Variants in LIFR observed in about 807,000 individuals in gnomAD.
LIFR encodes the protein LIF receptor subunit alpha.
A neutral mutation model predicts 122.2 loss-of-function variants in LIFR; 84 were observed. That is an observed-to-expected ratio of 0.69 (90% CI 0.58 to 0.82). LIFR has a LOEUF of 0.82. LIFR is among the 40% of genes least tolerant of loss of function. The probability of loss-of-function intolerance (pLI) is 0.00; values close to 1 mark genes in which losing one functional copy is unlikely to be tolerated. For missense variants in LIFR, 1,294 were observed against 1,311.6 expected, an observed-to-expected ratio of 0.99 and a Z score of 0.21; for synonymous variants, 422 against 434.7, an observed-to-expected ratio of 0.97 and a Z score of 0.36.
chr5:38,525,274 T>C (rs1746619493), intron 4 of LIFR, among the ~76,000 whole-genome samples: 1 of 152,172 alleles, frequency 6.6e-6, no homozygotes, highest in South Asian at 2.1e-4. Flanking sequence ...CTTTCTTCCA[T>C]GTTTCCTCCT....
At chr5:38,512,464 A>T (rs1561162284) in intron 5 of LIFR, among the ~76,000 whole-genome samples, 1 of 151,892 alleles carries the variant, frequency 6.6e-6, no homozygotes, top group African/African-American at 2.4e-5. Flanking sequence ...ACAAAAAAAT[A>T]AAAAAATAAA....
intron 1 of LIFR, among the ~76,000 whole-genome samples, chr5:38,536,356 A>G (rs1024905367): frequency 6.6e-6 from 1 of 151,080 alleles, no homozygotes; most frequent in African/African-American, 2.4e-5. Flanking sequence ...AAAAACAGTA[A>G]AAAAAAAAGT....
chr5:38,501,678 T>C (rs1358890369), intron 11 of LIFR, among the ~76,000 whole-genome samples: 2 of 151,986 alleles, frequency 1.3e-5, no homozygotes, highest in African/African-American at 2.4e-5. Flanking sequence ...GAGGCGGACA[T>C]TGCAGTGAGC....
Position 38,544,070 on chromosome 5 carries a change from C to T in LIFR, c.-20+12264G>A, listed in dbSNP as rs533737178. ...CCTCTACCCACTCCCCATGTACTAC[C>T]AGCTGCTACACCTTCAAATGCATGC... On this transcript the variant is annotated intron_variant, in intron 1 of 19. Transcript: ENST00000453190. 9.2e-5 allele frequency among the ~76,000 whole-genome samples: 14 copies of T among 152,244 alleles called. 1 individual carries two copies. In the South Asian group the frequency reaches 2.9e-3, roughly 32 times the overall value.
intron 1 of LIFR, among the ~76,000 whole-genome samples, chr5:38,581,481 A>G (rs1453719655): frequency 6.6e-6 from 1 of 152,172 alleles, no homozygotes; most frequent in African/African-American, 2.4e-5. Context: ...TGTGTTAATC[A>G]GCTTTCCTAA....
intron 1 of LIFR, among the ~76,000 whole-genome samples, chr5:38,586,488 A>G (rs1034038715): frequency 1.3e-5 from 2 of 152,212 alleles, no homozygotes; most frequent in African/African-American, 4.8e-5. Context: ...ACCTTTCATT[A>G]TTCATGTAGA....
intron 1 of LIFR, among the ~76,000 whole-genome samples, chr5:38,587,274 C>T (rs1353263304): frequency 2.0e-5 from 3 of 151,486 alleles, no homozygotes; most frequent in Non-Finnish European, 4.4e-5. Context: ...GGAGCATATA[C>T]CAGGGGTCCT....
Position 38,506,631 on chromosome 5 carries a change from A to T in LIFR, c.993T>A (p.Tyr331Ter). 6.2e-7 allele frequency: 1 copy of T among 1,612,026 alleles called. No homozygotes were observed. The highest frequency in any genetic ancestry group is 8.5e-7 in the Non-Finnish European group (1 of 1,178,220). Residue 331 changes from tyrosine (Y) to a stop codon, truncating the protein, a stop_gained and splice_region_variant, in exon 8 of 20, where the codon TAT (tyrosine) becomes TAA (stop). Transcript: ENST00000453190. LOFTEE classifies it high-confidence loss of function. ...NIFGTVIFAGYPPDTPQQLNC... is the reference protein window; with the variant it reads ...NIFGTVIFAG The stretch of plus-strand genomic sequence containing the variant: ...TCAGTTGTTGAGGAGTATCTGGTGG[A>T]TCTAACAGAAAAAAAATGCAGGTAC...
rs780232884 is a variant in LIFR, at chr5:38,506,090, A to C, written c.1122-16T>G. On this transcript the variant is annotated splice_polypyrimidine_tract_variant and intron_variant, in intron 8 of 19. Transcript: ENST00000453190. ...TCCTGAAAAACTGTTAATTAACAGAAAAATAATTTCAAAATGGCAAGAGAT... is the reference window on the plus strand; with the variant it reads ...TCCTGAAAAACTGTTAATTAACAGACAAATAATTTCAAAATGGCAAGAGAT... The C allele has an allele frequency of 2.3e-5, 36 of 1,539,300 alleles. No individual in the cohort carries two copies. Among genetic ancestry groups the C allele is most frequent in the Non-Finnish European group, 3.2e-5 (36 of 1,119,338 alleles).
chr5:38,523,524 T>C lies in LIFR; in HGVS notation c.456A>G (p.Thr152=), dbSNP rs572635018. The change falls in exon 5 of 20, where the codon ACA becomes ACG. Residue 152 remains threonine, a synonymous_variant. Coordinates refer to ENST00000453190, the MANE Select transcript of LIFR (RefSeq NM_001127671.2). ...CCCTGTCGTTCCACTTTAGGTATAA[T>C]GTAGAGGTTGAGAAATCAGCAGACA... ...LNLSADFSTS[T]LYLKWNDRGS... is the part of the protein sequence containing the mutation. The C allele has an allele frequency of 6.2e-6, 10 of 1,612,810 alleles. No individual in the cohort carries two copies. Among genetic ancestry groups the C allele is most frequent in the South Asian group, 5.5e-5 (5 of 91,040 alleles).
intron 7 of LIFR, 35 bp from the exon 8 acceptor site, chr5:38,506,667 A>G: frequency 6.4e-7 from 1 of 1,571,606 alleles, no homozygotes; most frequent in South Asian, 1.1e-5. Flanking sequence ...TTATGATTAC[A>G]TATATTTTCC....
chr5:38,478,227 A>C lies in LIFR; in HGVS notation c.*3368T>G, dbSNP rs1743814749. 4.8e-6 allele frequency: 1 copy of C among 206,826 alleles called. No homozygotes were observed. The highest frequency in any genetic ancestry group is 9.8e-6 in the Non-Finnish European group (1 of 101,558). 12.8% of individuals were successfully genotyped at this position (206,826 alleles called of 1,614,324 possible). On this transcript the variant is annotated 3_prime_UTR_variant, in exon 20 of 20. Coordinates refer to ENST00000453190, the MANE Select transcript of LIFR (RefSeq NM_001127671.2). ...TCCAACAAGAATACAATATGCATGA[A>C]GTTTTGAAAATGTGACTTTTTACCA... is the stretch of plus-strand genomic sequence containing the variant.
At chr5:38,553,829 A>G (rs901961768) in intron 1 of LIFR, among the ~76,000 whole-genome samples, 2 of 151,448 alleles carry the variant, frequency 1.3e-5, no homozygotes, top group African/African-American at 4.8e-5. Flanking sequence ...CATTACTTTT[A>G]CAATTTATTC....
intron 1 of LIFR, among the ~76,000 whole-genome samples, chr5:38,593,504 G>A (rs943939825): frequency 2.6e-5 from 4 of 152,140 alleles, no homozygotes; most frequent in African/African-American, 9.7e-5. Flanking sequence ...CCACACAGGT[G>A]TAGAATATTC....
chr5:38,561,799 A>G (rs1748847627), intron 1 of LIFR, among the ~76,000 whole-genome samples: 2 of 152,226 alleles, frequency 1.3e-5, no homozygotes, highest in South Asian at 4.1e-4. Flanking sequence ...AATTGGTATC[A>G]CTGAGATACC....
chr5:38,527,954 A>AT, intron 3 of LIFR, among the ~76,000 whole-genome samples: 2 of 152,126 alleles, frequency 1.3e-5, no homozygotes, highest in East Asian at 3.9e-4. Flanking sequence ...TCCTGCCCCC[A>AT]CCAACTACCC....
intron 1 of LIFR, among the ~76,000 whole-genome samples, chr5:38,572,766 CA>C (rs1749258553): frequency 6.6e-6 from 1 of 152,204 alleles, no homozygotes; most frequent in Non-Finnish European, 1.5e-5. Context: ...TACTACATGC[CA>C]AGCACTTTGT....
intron 9 of LIFR, among the ~76,000 whole-genome samples, chr5:38,504,583 C>A (rs1745360950): frequency 6.6e-6 from 1 of 151,930 alleles, no homozygotes; most frequent in African/African-American, 2.4e-5. Context: ...AAGAATCAGA[C>A]AAAAATTAGC....
Position 38,502,757 on chromosome 5 carries a change from C to T in LIFR, c.1480G>A (p.Val494Ile). 1 of 1,610,034 alleles carries T rather than the reference C, an allele frequency of 6.2e-7. No homozygotes were observed. Residue 494 changes from valine to isoleucine, a missense_variant, in exon 11 of 20, where the codon GTT (valine) becomes ATT (isoleucine). Coordinates refer to ENST00000453190, the MANE Select transcript of LIFR (RefSeq NM_001127671.2). The part of the protein sequence containing the change: ...IKGVENSSYL[V>I]ALDKLNPYTL... ...TATGGATTTAACTTGTCCAGAGCAA[C>T]AAGATAACTTGAATTTTCTACTCCT...
Sources: allele counts gnomAD v4.1 joint callset (sites outside exome capture counted in the v4.1 genomes callset), GRCh38; gene constraint gnomAD v4.1.1; transcripts MANE v1.5; gene names NCBI Gene and HGNC (gene_info 2026-07-23, HGNC 2026-07-21).